ACSS2: variants seen among roughly 807,000 people sequenced by gnomAD.
The protein encoded by ACSS2 is acetyl-coenzyme A synthetase, cytoplasmic.
A neutral mutation model predicts 90.6 loss-of-function variants in ACSS2; 58 were observed. The ratio of observed to expected loss-of-function variants is 0.64; its 90% CI spans 0.52 to 0.80. ACSS2 has a LOEUF of 0.80. Among genes scored for constraint, ACSS2 ranks in the 30% least tolerant of loss-of-function variants. The probability of loss-of-function intolerance (pLI) is 0.00; values close to 1 mark genes in which losing one functional copy is unlikely to be tolerated. For missense variants in ACSS2, 759 were observed against 912.0 expected, an observed-to-expected ratio of 0.83 and a Z score of 2.16; for synonymous variants, 300 against 330.9, an observed-to-expected ratio of 0.91 and a Z score of 1.01.
intron 2 of ACSS2, among the ~76,000 whole-genome samples, chr20:34,901,342 C>T (rs948605094): frequency 1.3e-5 from 2 of 152,152 alleles, no homozygotes; most frequent in Non-Finnish European, 2.9e-5. Flanking sequence ...GTGATCCTCC[C>T]ACCTCGGCCC....
rs1258866373 is a variant in ACSS2, at chr20:34,908,680, G to A, written c.375-4416G>A. 1.9e-5 allele frequency: 5 copies of A among 256,636 alleles called. No homozygotes were observed. The Admixed American group carries it at 2.8e-4, about 14-fold the overall frequency. 15.9% of individuals were successfully genotyped at this position (256,636 alleles called of 1,614,324 possible). A position where few individuals can be genotyped will look rare whatever the true frequency, so the allele number is the denominator to read the frequency against. The stretch of plus-strand genomic sequence containing the variant: ...AGTTCAAGACCAACCTGACCAACAT[G>A]GTGAAACCCCATCTCTACTAAAATG... On this transcript the variant is annotated intron_variant, in intron 2 of 17. Transcript: ENST00000360596.
Position 34,919,295 on chromosome 20 carries a change from C to T in ACSS2, c.835-140C>T, listed in dbSNP as rs924513263. 32 of 1,333,728 alleles carry T rather than the reference C, an allele frequency of 2.4e-5. 1 individual carries two copies. In the African/African-American group the frequency reaches 4.5e-4, roughly 19 times the overall value. 82.6% of individuals were successfully genotyped at this position (1,333,728 alleles called of 1,614,324 possible). ...GGTTCTGCTCCTGTTCTTTCTGTTCCATTCCATCCTTGAAGGGCCTTCTCT... is the reference window on the plus strand; with the variant it reads ...GGTTCTGCTCCTGTTCTTTCTGTTCTATTCCATCCTTGAAGGGCCTTCTCT... On this transcript the variant is annotated intron_variant, in intron 7 of 17. Transcript: ENST00000360596.
chr20:34,926,827 A>C, intron 16 of ACSS2, 50 bp from the exon 17 acceptor site: 4 of 1,602,078 alleles, frequency 2.5e-6, no homozygotes, highest in Non-Finnish European at 2.6e-6. Flanking sequence ...GATTTTTGAA[A>C]AGTCTGGCTA....
At chr20:34,879,633 A>G (rs1455556453) in intron 1 of ACSS2, among the ~76,000 whole-genome samples, 2 of 152,110 alleles carry the variant, frequency 1.3e-5, no homozygotes, top group African/African-American at 4.8e-5. Context: ...TCAGGAGGCT[A>G]AGGCACGAGA....
Position 34,913,763 on chromosome 20 carries a change from TC to T in ACSS2, c.582del (p.Ser195LeufsTer30). 2 of 1,614,100 alleles carry T rather than the reference TC, an allele frequency of 1.2e-6. No homozygotes were observed. Among genetic ancestry groups the T allele is most frequent in the Non-Finnish European group, 1.7e-6 (2 of 1,179,982 alleles). On this transcript the variant is annotated frameshift_variant, in exon 5 of 18. Transcript: ENST00000360596. LOFTEE classifies it high-confidence loss of function. ...GALHSIVFAG[F>X]SSESLCERIL... ...TCTTCCCTTCCCTAGTTTGCAGGCT[TC>T]TCTTCAGAGTCTCTATGTGAACGGA...
intron 2 of ACSS2, among the ~76,000 whole-genome samples, chr20:34,897,583 G>T (rs113910317): frequency 7.2e-5 from 11 of 152,258 alleles, no homozygotes; most frequent in African/African-American, 2.4e-4. Flanking sequence ...GGCTGAGGTG[G>T]GTGGATCACC....
At chr20:34,886,332 T>C (rs1188872075) in intron 2 of ACSS2, among the ~76,000 whole-genome samples, 1 of 152,140 alleles carries the variant, frequency 6.6e-6, no homozygotes, top group African/African-American at 2.4e-5. Context: ...AATAATTGCT[T>C]ACTGGGCTGG....
intron 2 of ACSS2, among the ~76,000 whole-genome samples, chr20:34,898,790 G>A (rs1022145408): frequency 2.0e-5 from 3 of 152,098 alleles, no homozygotes; most frequent in Admixed American, 6.5e-5. Context: ...CCAGTCCTGC[G>A]CCGTGTGCCT....
At chr20:34,907,964 T>A (rs2080850270) in intron 2 of ACSS2, among the ~76,000 whole-genome samples, 1 of 152,244 alleles carries the variant, frequency 6.6e-6, no homozygotes, top group African/African-American at 2.4e-5. Flanking sequence ...CCAGTCCCTG[T>A]CCTTCACACT....
chr20:34,879,199 C>T (rs1411222025), intron 1 of ACSS2, among the ~76,000 whole-genome samples: 3 of 152,000 alleles, frequency 2.0e-5, no homozygotes, highest in South Asian at 4.1e-4. Flanking sequence ...CCACCGCGCC[C>T]GGCCTCTGCT....
upstream of ACSS2, chr20:34,876,489 G>C (rs1461636871): frequency 1.6e-4 from 99 of 602,220 alleles, no homozygotes; most frequent in Non-Finnish European, 2.2e-4. Context: ...ACACGGCCCC[G>C]CCCCCTCTGG....
intron 2 of ACSS2, among the ~76,000 whole-genome samples, chr20:34,910,963 C>T (rs1335937366): frequency 1.3e-5 from 2 of 152,060 alleles, no homozygotes; most frequent in Non-Finnish European, 2.9e-5. Context: ...GCTGAGACTA[C>T]AGGTGTGCAC....
In ACSS2 at chr20:34,911,823, T is replaced by C. The variant is rs191449928; in HGVS notation, c.375-1273T>C. ...TTGTTCATTGGTGCCTTATTTCTTC[T>C]TTTTTTTGTTTGTTTGAGACGGAGT... On this transcript the variant is annotated intron_variant, in intron 2 of 17. Transcript: ENST00000360596. 1.4e-3 allele frequency among the ~76,000 whole-genome samples: 217 copies of C among 151,976 alleles called. 1 individual carries two copies. The highest frequency in any genetic ancestry group is 5.0e-3 in the African/African-American group (207 of 41,450).
intron 12 of ACSS2, 24 bp downstream of exon 12, chr20:34,921,624 T>G (rs1471593862): frequency 6.2e-7 from 1 of 1,614,148 alleles, no homozygotes; most frequent in Admixed American, 1.7e-5. Flanking sequence ...CCCTGGCTGG[T>G]CTTGGGCTAG....
chr20:34,878,334 A>G (rs1246723981), intron 1 of ACSS2, among the ~76,000 whole-genome samples: 2 of 152,172 alleles, frequency 1.3e-5, no homozygotes, highest in Non-Finnish European at 2.9e-5. Context: ...CTAGATTTAG[A>G]CCCTGGCTCT....
chr20:34,890,260 T>C (rs1298825949), intron 2 of ACSS2, among the ~76,000 whole-genome samples: 1 of 152,188 alleles, frequency 6.6e-6, no homozygotes, highest in Non-Finnish European at 1.5e-5. Context: ...AAGGCACACG[T>C]TCATCTGCTC....
chr20:34,918,826 C>T (rs974357355), intron 7 of ACSS2, among the ~76,000 whole-genome samples: 3 of 152,152 alleles, frequency 2.0e-5, no homozygotes, highest in African/African-American at 4.8e-5. Context: ...TGAGCCTAGT[C>T]CCATAAGTAC....
intron 2 of ACSS2, among the ~76,000 whole-genome samples, chr20:34,888,733 A>G (rs1601296112): frequency 2.0e-5 from 3 of 152,198 alleles, no homozygotes; most frequent in Admixed American, 2.0e-4. Flanking sequence ...TTTGATAAAT[A>G]TGACATTTGA....
intron 15 of ACSS2, 37 bp from the exon 16 acceptor site, chr20:34,926,068 G>A (rs1470906908): frequency 1.2e-6 from 2 of 1,608,992 alleles, no homozygotes; most frequent in Non-Finnish European, 1.7e-6. Context: ...GGCAGAGCCT[G>A]GGATCTCTCT....
Sources: allele counts gnomAD v4.1 joint callset (sites outside exome capture counted in the v4.1 genomes callset), GRCh38; gene constraint gnomAD v4.1.1; transcripts MANE v1.5; gene names NCBI Gene and HGNC (gene_info 2026-07-23, HGNC 2026-07-21).